Variants in CTIF observed in about 807,000 individuals in gnomAD.
CTIF encodes cap binding complex dependent translation initiation factor.
CTIF carries 21 observed loss-of-function variants against 66.0 expected under a neutral mutation model. The observed-to-expected ratio is 0.32, with a 90% CI of 0.23 to 0.46. The LOEUF is 0.46. Ranked by LOEUF, CTIF falls within the 20% of genes least tolerant of loss-of-function variation. The pLI, the probability that CTIF is intolerant of heterozygous loss-of-function variation, is 1.00. For synonymous variants in CTIF, 345 were observed against 326.4 expected, an observed-to-expected ratio of 1.06 and a Z score of -0.62; for missense variants, 739 against 812.7, an observed-to-expected ratio of 0.91 and a Z score of 1.10.
chr18:48,639,918 C>T (rs1258286476), intron 3 of CTIF, among the ~76,000 whole-genome samples: 1 of 152,216 alleles, frequency 6.6e-6, no homozygotes, highest in Non-Finnish European at 1.5e-5. Context: ...GCAGCCATCT[C>T]CTGTTGCCCC....
rs558227570 is a variant in CTIF at position 48,620,102 on chromosome 18, C to T, written c.180+357C>T. On this transcript the variant is annotated intron_variant, in intron 2 of 11. Transcript: ENST00000256413. ...TAGGAGAGATCTGGAGGTTTCGCTT[C>T]TCCATAATGCATACCATCAAAGAAC... 4.6e-5 allele frequency among the ~76,000 whole-genome samples: 7 copies of T among 152,358 alleles called. No individual in the cohort carries two copies. The East Asian group carries it at 1.3e-3, about 29-fold the overall frequency.
intron 10 of CTIF, among the ~76,000 whole-genome samples, chr18:48,841,658 G>A (rs1056071482): frequency 2.3e-4 from 34 of 148,236 alleles, no homozygotes; most frequent in Middle Eastern, 3.5e-3. Context: ...ACGCTGGCTC[G>A]GGGGCCAGGC....
intron 2 of CTIF, among the ~76,000 whole-genome samples, chr18:48,633,367 T>TATATAC (rs1246863037): frequency 6.6e-6 from 1 of 152,212 alleles, no homozygotes; most frequent in Non-Finnish European, 1.5e-5. Flanking sequence ...CATACGTATG[T>TATATAC]ATATACATAT....
chr18:48,623,465 C>T (rs1381347532), intron 2 of CTIF, among the ~76,000 whole-genome samples: 3 of 151,748 alleles, frequency 2.0e-5, no homozygotes, highest in Admixed American at 6.6e-5. Context: ...GCTGTGTCTA[C>T]ATAAGATACT....
intron 9 of CTIF, among the ~76,000 whole-genome samples, chr18:48,816,047 C>G (rs2068357248): frequency 6.6e-6 from 1 of 152,178 alleles, no homozygotes; most frequent in Admixed American, 6.5e-5. Flanking sequence ...CAGTGGCACG[C>G]AGCAGTAAGC....
At chr18:48,846,210 T>C (rs543162235) in intron 10 of CTIF, among the ~76,000 whole-genome samples, 2 of 152,362 alleles carry the variant, frequency 1.3e-5, no homozygotes, top group South Asian at 4.1e-4. Flanking sequence ...GAAATACTTA[T>C]TCATCATTGT....
chr18:48,859,684 G>C lies in CTIF; in HGVS notation c.*125G>C, dbSNP rs759930826. On this transcript the variant is annotated 3_prime_UTR_variant, in exon 12 of 12. Coordinates refer to ENST00000256413, the MANE Select transcript of CTIF (RefSeq NM_014772.3). Reference sequence around the variant, plus strand: ...AGAAATGGGGAGGAGGGCAGGCAGAGTCGGTGGCCAGTCTGGAGCCAGACG... The same window carrying C: ...AGAAATGGGGAGGAGGGCAGGCAGACTCGGTGGCCAGTCTGGAGCCAGACG... 23 of 878,988 alleles carry C rather than the reference G, an allele frequency of 2.6e-5. No homozygotes were observed. In the African/African-American group the frequency reaches 3.8e-4, roughly 15 times the overall value. The allele number at this position is 878,988 out of a possible 1,614,324, so 54.4% of individuals were successfully genotyped here. A position where few individuals can be genotyped will look rare whatever the true frequency, so the allele number is the denominator to read the frequency against.
At chr18:48,775,208 TG>T (rs1910557382) in intron 9 of CTIF, among the ~76,000 whole-genome samples, 2 of 152,338 alleles carry the variant, frequency 1.3e-5, no homozygotes, top group African/African-American at 4.8e-5. Flanking sequence ...TTCTGTTAAA[TG>T]GGGTCATAAT....
intron 7 of CTIF, among the ~76,000 whole-genome samples, chr18:48,732,457 AC>A (rs2092465128): frequency 6.6e-6 from 1 of 151,968 alleles, no homozygotes; most frequent in Non-Finnish European, 1.5e-5. Flanking sequence ...CCAGCCGGAC[AC>A]TGCCCTGCTT....
At chr18:48,695,929 A>G (rs950489134) in intron 6 of CTIF, among the ~76,000 whole-genome samples, 3 of 152,238 alleles carry the variant, frequency 2.0e-5, no homozygotes, top group African/African-American at 7.2e-5. Context: ...GACTCGGCTC[A>G]AAGATGCCCA....
chr18:48,615,143 G>C (rs1395365208), intron 1 of CTIF, among the ~76,000 whole-genome samples: 1 of 152,146 alleles, frequency 6.6e-6, no homozygotes, highest in Non-Finnish European at 1.5e-5. Flanking sequence ...TGATCCTCCT[G>C]CCTCAGCCTC....
chr18:48,813,174 A>T (rs2068296262), intron 9 of CTIF, among the ~76,000 whole-genome samples: 1 of 152,014 alleles, frequency 6.6e-6, no homozygotes, highest in South Asian at 2.1e-4. Flanking sequence ...TCTAGTTTCC[A>T]TTGGCTCTCT....
intron 9 of CTIF, among the ~76,000 whole-genome samples, chr18:48,775,706 G>A (rs1027628966): frequency 1.3e-5 from 2 of 152,374 alleles, no homozygotes; most frequent in African/African-American, 4.8e-5. Flanking sequence ...CCTGTAAGTG[G>A]AGTAGGTTGA....
At chr18:48,698,054 C>T (rs569849608) in intron 6 of CTIF, among the ~76,000 whole-genome samples, 11 of 133,242 alleles carry the variant, frequency 8.3e-5, no homozygotes, top group African/African-American at 2.5e-4. Flanking sequence ...CAGGGCAACT[C>T]TCTACTCCTC....
intron 7 of CTIF, among the ~76,000 whole-genome samples, chr18:48,727,852 A>C (rs1010612155): frequency 7.9e-5 from 12 of 152,204 alleles, no homozygotes; most frequent in Non-Finnish European, 1.5e-4. Flanking sequence ...CTTTCCTGAG[A>C]GTGCCTGGAT....
chr18:48,796,513 A>G (rs1027338632), intron 9 of CTIF, among the ~76,000 whole-genome samples: 3 of 152,136 alleles, frequency 2.0e-5, no homozygotes, highest in African/African-American at 7.2e-5. Flanking sequence ...CATGTCCATC[A>G]TTCTGCATGT....
intron 7 of CTIF, among the ~76,000 whole-genome samples, chr18:48,740,143 C>T (rs1383574525): frequency 6.6e-6 from 1 of 152,212 alleles, no homozygotes; most frequent in African/African-American, 2.4e-5. Flanking sequence ...AAAGCCAGGG[C>T]CTGGATGCAG....
At chr18:48,723,271 C>G (rs955228916) in intron 7 of CTIF, among the ~76,000 whole-genome samples, 4 of 152,096 alleles carry the variant, frequency 2.6e-5, no homozygotes, top group African/African-American at 7.2e-5. Flanking sequence ...CGGCATGGTC[C>G]TCTTTGGGGT....
At chr18:48,820,971 G>A (rs559586909) in intron 10 of CTIF, among the ~76,000 whole-genome samples, 58 of 152,314 alleles carry the variant, frequency 3.8e-4, no homozygotes, top group African/African-American at 1.3e-3. Context: ...GTCCCCAGGC[G>A]CCTCAGCCTG....
Sources: gnomAD v4.1 joint callset for allele counts (sites outside exome capture counted in the v4.1 genomes callset) on GRCh38, gnomAD v4.1.1 for gene constraint, MANE v1.5 for transcripts, NCBI Gene and HGNC (gene_info 2026-07-23, HGNC 2026-07-21) for gene names.